SORCS1: variants seen among roughly 807,000 people sequenced by gnomAD.
SORCS1 encodes sortilin related VPS10 domain containing receptor 1.
SORCS1 carries 60 observed loss-of-function variants against 146.1 expected under a neutral mutation model. That is an observed-to-expected ratio of 0.41 (90% CI 0.33 to 0.51). The LOEUF is 0.51. SORCS1 is among the 20% of genes least tolerant of loss of function. The probability of loss-of-function intolerance (pLI) is 0.21; values close to 1 mark genes in which losing one functional copy is unlikely to be tolerated. For synonymous variants in SORCS1, 637 were observed against 584.0 expected (o/e 1.09, Z -1.31); for missense variants, 1,352 against 1,487.6 (o/e 0.91, Z 1.50).
intron 1 of SORCS1, among the ~76,000 whole-genome samples, chr10:107,004,830 T>A (rs1256157368): frequency 6.6e-6 from 1 of 152,142 alleles, no homozygotes; most frequent in East Asian, 1.9e-4. Context: ...GACAAAATTA[T>A]AAATTCCCAT....
chr10:106,770,061 C>T, intron 4 of SORCS1, among the ~76,000 whole-genome samples: 1 of 152,154 alleles, frequency 6.6e-6, no homozygotes, highest in Non-Finnish European at 1.5e-5. Context: ...TCACTGCACT[C>T]CAGCCTGGGC....
Position 107,164,353 on chromosome 10 carries a change from G to T in SORCS1, c.174C>A (p.His58Gln). 6 of 1,522,636 alleles carry T rather than the reference G, an allele frequency of 3.9e-6. No homozygotes were observed. Among genetic ancestry groups the T allele is most frequent in the Non-Finnish European group, 5.3e-6 (6 of 1,137,280 alleles). The allele number at this position is 1,522,636 out of a possible 1,614,324, so 94.3% of individuals were successfully genotyped here. ...CAGGAGCCCTGCCTGGCCGCCCCTG[G>T]TGGGAAAAGCCCCTAGGGGTCGAGG... ...RSASTPRGFSHQGRPGRAPAT... is the reference protein window; with the variant it reads ...RSASTPRGFSQQGRPGRAPAT... The change falls in exon 1 of 26, where the codon CAC (histidine) becomes CAA (glutamine). Residue 58 changes from histidine to glutamine, a missense_variant. Around this residue, in one of 3 missense-constraint regions of SORCS1, gnomAD observed 490 missense variants for 489.1 expected, o/e 1.00. Transcript: ENST00000263054. The surrounding 1 kb of genome is among the most constrained non-coding windows in gnomAD (Gnocchi z 6.8).
intron 2 of SORCS1, among the ~76,000 whole-genome samples, chr10:106,942,760 C>G (rs1259033627): frequency 1.3e-5 from 2 of 152,174 alleles, no homozygotes; most frequent in East Asian, 3.9e-4. Flanking sequence ...ATTCCTCCAC[C>G]TGACCTTGGA....
At chr10:107,003,719 T>TG (rs1355419831) in intron 1 of SORCS1, among the ~76,000 whole-genome samples, 1 of 152,070 alleles carries the variant, frequency 6.6e-6, no homozygotes, top group East Asian at 1.9e-4. Flanking sequence ...GGAGGCTGCC[T>TG]GAGATGAAGG....
intron 3 of SORCS1, among the ~76,000 whole-genome samples, chr10:106,787,074 G>A (rs1946090536): frequency 6.6e-6 from 1 of 152,140 alleles, no homozygotes; most frequent in Non-Finnish European, 1.5e-5. Flanking sequence ...GAATAGACCA[G>A]TTCAATGTCC....
intron 6 of SORCS1, among the ~76,000 whole-genome samples, chr10:106,720,071 C>T (rs1183503892): frequency 6.6e-6 from 1 of 152,198 alleles, no homozygotes; most frequent in Non-Finnish European, 1.5e-5. Context: ...TCTCTGATCA[C>T]TCTCTATTCT....
chr10:106,666,217 T>G (rs1210377555), intron 17 of SORCS1, among the ~76,000 whole-genome samples: 6 of 152,158 alleles, frequency 3.9e-5, no homozygotes, highest in Admixed American at 3.9e-4. Flanking sequence ...CTAGTGAGGG[T>G]GGGCCTCATC....
chr10:106,814,079 A>T (rs1299461069), intron 3 of SORCS1, among the ~76,000 whole-genome samples: 1 of 152,152 alleles, frequency 6.6e-6, no homozygotes, highest in African/African-American at 2.4e-5. Context: ...CCTTCCTAGA[A>T]ACCAGTACTG....
chr10:106,974,793 T>C (rs1955926006), intron 1 of SORCS1, among the ~76,000 whole-genome samples: 1 of 152,196 alleles, frequency 6.6e-6, no homozygotes, highest in Non-Finnish European at 1.5e-5. Flanking sequence ...TGCTCTATTA[T>C]CCCAGCTTTA....
At chr10:106,802,268 G>T (rs1391973376) in intron 3 of SORCS1, among the ~76,000 whole-genome samples, 4 of 152,206 alleles carry the variant, frequency 2.6e-5, no homozygotes, top group African/African-American at 9.6e-5. Context: ...TGGCTTCAGG[G>T]AAGATTTGCA....
chr10:107,001,956 T>TTTTCC (rs1282369269), intron 1 of SORCS1, among the ~76,000 whole-genome samples: 1 of 152,236 alleles, frequency 6.6e-6, no homozygotes, highest in African/African-American at 2.4e-5. Context: ...TCTTCATATA[T>TTTTCC]TTTCCTTTCC....
At chr10:106,734,895 C>T (rs140239621) in intron 5 of SORCS1, among the ~76,000 whole-genome samples, 2 of 152,008 alleles carry the variant, frequency 1.3e-5, no homozygotes, top group African/African-American at 2.4e-5. Flanking sequence ...CTTGACCAGG[C>T]GTGGTGGCTC....
At chr10:107,087,940 A>G (rs1963880570) in intron 1 of SORCS1, among the ~76,000 whole-genome samples, 1 of 152,040 alleles carries the variant, frequency 6.6e-6, no homozygotes, top group South Asian at 2.1e-4. Context: ...TTATTTTGAG[A>G]CGGAGTCTCG....
rs181603272 is a variant in SORCS1 at position 106,839,067 on chromosome 10, G to A, written c.627-9394C>T. ...CCCCTCAGGCCTCCCTCTTGCCTGA[G>A]ATAAATGATATTGAAATTAGGCCAA... is the stretch of plus-strand genomic sequence containing the variant. On this transcript the variant is annotated intron_variant, in intron 2 of 25. Coordinates refer to ENST00000263054, the MANE Select transcript of SORCS1 (RefSeq NM_052918.5). Among the ~76,000 whole-genome samples, 528 of 152,116 alleles carry A rather than the reference G, an allele frequency of 3.5e-3. 5 individuals carry two copies. Among genetic ancestry groups the A allele is most frequent in the Admixed American group, 5.8e-3 (88 of 15,262 alleles).
At chr10:106,674,573 C>T (rs1490990073) in intron 14 of SORCS1, among the ~76,000 whole-genome samples, 2 of 152,028 alleles carry the variant, frequency 1.3e-5, no homozygotes. Context: ...AATTAATGAT[C>T]ATCACATTCC....
At chr10:106,936,612 G>C (rs1002065066) in intron 2 of SORCS1, among the ~76,000 whole-genome samples, 2 of 152,170 alleles carry the variant, frequency 1.3e-5, no homozygotes, top group African/African-American at 2.4e-5. Flanking sequence ...GAGGGAATAA[G>C]TTTTTGTGAA....
intron 1 of SORCS1, among the ~76,000 whole-genome samples, chr10:107,131,414 C>G (rs1299958686): frequency 6.6e-6 from 1 of 152,202 alleles, no homozygotes; most frequent in African/African-American, 2.4e-5. Context: ...GATGTTGCAG[C>G]ATTTTGGATG....
intron 1 of SORCS1, among the ~76,000 whole-genome samples, chr10:107,042,932 C>A (rs1156349272): frequency 6.6e-6 from 1 of 152,090 alleles, no homozygotes; most frequent in East Asian, 1.9e-4. Flanking sequence ...TGACACAGCT[C>A]AAGAAGGCCA....
intron 1 of SORCS1, among the ~76,000 whole-genome samples, chr10:107,112,745 G>A (rs1443506704): frequency 1.3e-5 from 2 of 152,098 alleles, no homozygotes; most frequent in Non-Finnish European, 2.9e-5. Context: ...ACTTATATCA[G>A]ACAACATAGA....
Sources: allele counts gnomAD v4.1 joint callset (sites outside exome capture counted in the v4.1 genomes callset), GRCh38; gene constraint gnomAD v4.1.1; regional missense constraint gnomAD v4.1.1; non-coding constraint Gnocchi (gnomAD v3.1); transcripts MANE v1.5; gene names NCBI Gene and HGNC (gene_info 2026-07-23, HGNC 2026-07-21).